COL10A1: variants seen among roughly 807,000 people sequenced by gnomAD.
The protein encoded by COL10A1 is collagen type X alpha 1 chain.
A neutral mutation model predicts 18.2 loss-of-function variants in COL10A1; 10 were observed. The observed-to-expected ratio is 0.55, with a 90% CI of 0.34 to 0.93. COL10A1 has a LOEUF of 0.93. COL10A1 is among the 40% of genes least tolerant of loss of function. The probability of loss-of-function intolerance (pLI) is 0.02; values close to 1 mark genes in which losing one functional copy is unlikely to be tolerated. For synonymous variants in COL10A1, 330 were observed against 316.6 expected, an observed-to-expected ratio of 1.04 and a Z score of -0.45; for missense variants, 897 against 853.5, an observed-to-expected ratio of 1.05 and a Z score of -0.64.
chr6:116,129,750 G>T (rs1779417128), upstream of COL10A1, among the ~76,000 whole-genome samples: 1 of 152,136 alleles, frequency 6.6e-6, no homozygotes, highest in East Asian at 1.9e-4. Flanking sequence ...GTTACTCTAG[G>T]TGTCTTGTGT....
chr6:116,142,579 G>A (rs939280582), intron 1 of COL10A1, among the ~76,000 whole-genome samples: 1 of 151,422 alleles, frequency 6.6e-6, no homozygotes, highest in Admixed American at 6.6e-5. Context: ...TTTACAGTGT[G>A]TGGTAAAAAC....
upstream of COL10A1, among the ~76,000 whole-genome samples, chr6:116,128,953 T>A (rs922087663): frequency 6.6e-6 from 1 of 152,184 alleles, no homozygotes; most frequent in Non-Finnish European, 1.5e-5. Flanking sequence ...TTTATAGTAG[T>A]GAGAATAGTT....
At chr6:116,123,898 A>T (rs540674277) in intron 2 of COL10A1, among the ~76,000 whole-genome samples, 1 of 152,270 alleles carries the variant, frequency 6.6e-6, no homozygotes, top group East Asian at 1.9e-4. Context: ...TTAATTCAAG[A>T]CTTTGTTATG....
chr6:116,170,529 G>A, the COL10A1 span, among the ~76,000 whole-genome samples: 2 of 152,270 alleles, frequency 1.3e-5, no homozygotes, highest in South Asian at 2.1e-4. Context: ...AGAAGTGTAC[G>A]TAAAGTACCT....
the COL10A1 span, among the ~76,000 whole-genome samples, chr6:116,217,051 C>CA: frequency 6.6e-6 from 1 of 151,960 alleles, no homozygotes; most frequent in Non-Finnish European, 1.5e-5. Flanking sequence ...AAATTCTGGC[C>CA]AAAAATCATG....
chr6:116,132,710 A>T (rs1728624626), intron 1 of COL10A1, among the ~76,000 whole-genome samples: 1 of 152,126 alleles, frequency 6.6e-6, no homozygotes, highest in African/African-American at 2.4e-5. Context: ...AACACCAGCG[A>T]CTGGGCTAAT....
chr6:116,167,447 T>G, the COL10A1 span, among the ~76,000 whole-genome samples: 1 of 152,014 alleles, frequency 6.6e-6, no homozygotes, highest in African/African-American at 2.4e-5. Flanking sequence ...CTCCTGGCCT[T>G]GTGATCCACT....
chr6:116,206,956 G>A, the COL10A1 span, among the ~76,000 whole-genome samples: 14 of 151,942 alleles, frequency 9.2e-5, no homozygotes, highest in Admixed American at 9.2e-4. Flanking sequence ...TGTTTATTGA[G>A]TAATTCTAGA....
chr6:116,127,763 C>G (rs1180052796), upstream of COL10A1, among the ~76,000 whole-genome samples: 1 of 152,044 alleles, frequency 6.6e-6, no homozygotes, highest in Non-Finnish European at 1.5e-5. Flanking sequence ...ACACATACTG[C>G]TATTTGCTTA....
chr6:116,141,885 A>AACACACACACACACAC lies in COL10A1; in HGVS notation c.-15-16394_-15-16379dup, dbSNP rs3051942. On this transcript the variant is annotated intron_variant, in intron 1 of 1. Coordinates refer to the COL10A1 transcript ENST00000418500. ...GTAAAAGATTTTCTGCCAAAAAGAAAACACACACACACACACACACACACA... is the reference window on the plus strand; with the variant it reads ...GTAAAAGATTTTCTGCCAAAAAGAAAACACACACACACACACACACACACACACACACACACACACA... Among the ~76,000 whole-genome samples, 550 of 140,396 alleles carry AACACACACACACACAC rather than the reference A, an allele frequency of 3.9e-3. 4 individuals are homozygous for AACACACACACACACAC. The highest frequency in any genetic ancestry group is 0.014 in the African/African-American group (515 of 37,466). 92.1% of individuals were successfully genotyped at this position (140,396 alleles called of 152,430 possible).
At chr6:116,142,514 G>A (rs989235013) in intron 1 of COL10A1, among the ~76,000 whole-genome samples, 1 of 151,834 alleles carries the variant, frequency 6.6e-6, no homozygotes, top group African/African-American at 2.4e-5. Context: ...TGATTATTTG[G>A]TTGAAATTTG....
chr6:116,153,833 C>G (rs2114404650), intron 1 of COL10A1, among the ~76,000 whole-genome samples: 1 of 152,154 alleles, frequency 6.6e-6, no homozygotes, highest in East Asian at 1.9e-4. Flanking sequence ...CTTACCTTCT[C>G]TGTGGATTTT....
chr6:116,142,590 T>A (rs1392042707), intron 1 of COL10A1, among the ~76,000 whole-genome samples: 5 of 142,122 alleles, frequency 3.5e-5, no homozygotes, highest in African/African-American at 1.5e-4. Flanking sequence ...TGGTAAAAAC[T>A]GTGTTTTTTC....
chr6:116,190,906 C>G, the COL10A1 span, among the ~76,000 whole-genome samples: 1 of 151,886 alleles, frequency 6.6e-6, no homozygotes, highest in Non-Finnish European at 1.5e-5. Flanking sequence ...TAGTGGTTAC[C>G]CCTGTTTATA....
At chr6:116,156,868 C>T (rs1319678709) in intron 1 of COL10A1, among the ~76,000 whole-genome samples, 2 of 152,222 alleles carry the variant, frequency 1.3e-5, no homozygotes, top group East Asian at 1.9e-4. Context: ...TACATCACAA[C>T]TCTTGCCACA....
At chr6:116,170,620 G>A in the COL10A1 span, among the ~76,000 whole-genome samples, 2 of 152,164 alleles carry the variant, frequency 1.3e-5, no homozygotes, top group Non-Finnish European at 2.9e-5. Flanking sequence ...TAGGGTATAT[G>A]TTCAGAAACT....
chr6:116,213,838 G>C, the COL10A1 span, among the ~76,000 whole-genome samples: 3 of 152,068 alleles, frequency 2.0e-5, no homozygotes, highest in African/African-American at 7.2e-5. Flanking sequence ...GTAAGTAGAA[G>C]GGGTGGAAGG....
At chr6:116,184,994 T>G in the COL10A1 span, among the ~76,000 whole-genome samples, 1 of 151,814 alleles carries the variant, frequency 6.6e-6, no homozygotes, top group African/African-American at 2.4e-5. Flanking sequence ...CTTTCAGACT[T>G]TTTGATGCTG....
chr6:116,207,833 A>G, the COL10A1 span, among the ~76,000 whole-genome samples: 1 of 151,818 alleles, frequency 6.6e-6, no homozygotes, highest in Non-Finnish European at 1.5e-5. Context: ...GGCTTTCTTT[A>G]CTCTGTGCCT....
Sources: allele counts gnomAD v4.1 joint callset (sites outside exome capture counted in the v4.1 genomes callset), GRCh38; gene constraint gnomAD v4.1.1; transcripts MANE v1.5; gene names NCBI Gene and HGNC (gene_info 2026-07-23, HGNC 2026-07-21).